Variants in DSG2 observed in about 807,000 individuals in gnomAD.
The protein encoded by DSG2 is desmoglein 2.
Under a neutral mutation model 75.6 loss-of-function variants are expected in DSG2, and 45 were observed. That is an observed-to-expected ratio of 0.60 (90% CI 0.47 to 0.76). The LOEUF is 0.76. DSG2 is among the 30% of genes least tolerant of loss of function. The pLI is 0.00. For synonymous variants in DSG2, 429 were observed against 483.9 expected (o/e 0.89, Z 1.49); for missense variants, 1,267 against 1,357.4 (o/e 0.93, Z 1.05).
intron 1 of DSG2, among the ~76,000 whole-genome samples, chr18:31,515,071 G>A (rs189148955): frequency 6.6e-6 from 1 of 152,246 alleles, no homozygotes; most frequent in East Asian, 1.9e-4. Flanking sequence ...AGAGTCTGAT[G>A]GTTAGAAGGA....
chr18:31,542,880 T>A (rs1196409669), intron 14 of DSG2, 28 bp downstream of exon 14: 1 of 326,676 alleles, frequency 3.1e-6, no homozygotes, highest in African/African-American at 5.9e-5. Context: ...GTATTGGTGG[T>A]GGGGGGTGGG....
At chr18:31,528,010 C>T (rs961859436) in intron 8 of DSG2, among the ~76,000 whole-genome samples, 1 of 152,114 alleles carries the variant, frequency 6.6e-6, no homozygotes, top group Non-Finnish European at 1.5e-5. Flanking sequence ...GATTTCAGCA[C>T]GTGAGTTTTA....
intron 8 of DSG2, among the ~76,000 whole-genome samples, chr18:31,530,545 G>A (rs142651720): frequency 0.015 from 2,229 of 152,150 alleles, 63 homozygotes; most frequent in African/African-American, 0.051. Context: ...AGCCTCCTGA[G>A]TAGCTAGGAC....
Position 31,536,192 on chromosome 18 carries a change from T to C in DSG2, c.1424-10T>C. ...CAGAATGTACATACTTTTTCTCTCT[T>C]ATTTTTAAGATTATCCTAGAAAAAC... On this transcript the variant is annotated splice_polypyrimidine_tract_variant and intron_variant, in intron 10 of 14. Transcript: ENST00000261590. The C allele has an allele frequency of 2.5e-6, 4 of 1,613,424 alleles. No individual in the cohort carries two copies. Among genetic ancestry groups the C allele is most frequent in the Non-Finnish European group, 3.4e-6 (4 of 1,179,448 alleles).
intron 1 of DSG2, among the ~76,000 whole-genome samples, chr18:31,504,478 C>G (rs1318615006): frequency 6.6e-6 from 1 of 152,192 alleles, no homozygotes; most frequent in African/African-American, 2.4e-5. Flanking sequence ...CCTTTGCTTT[C>G]TCAGTATTCT....
intron 8 of DSG2, among the ~76,000 whole-genome samples, chr18:31,525,319 C>G (rs549346204): frequency 6.6e-6 from 1 of 152,204 alleles, no homozygotes; most frequent in Non-Finnish European, 1.5e-5. Flanking sequence ...AGTTCGAGAC[C>G]AGCCTGGACA....
Position 31,546,266 on chromosome 18 carries a change from C to T in DSG2, c.2880C>T (p.Ser960=). ...TCCTGGGTCCTAGCCAGCCACAGAG[C>T]CTTATTGTGACAGAGAGGGTGTATG... The part of the protein sequence containing the change: ...TVILGPSQPQ[S]LIVTERVYAP... The change falls in exon 15 of 15, where the codon AGC becomes AGT. Residue 960 remains serine (S), a synonymous_variant. Coordinates refer to ENST00000261590, the MANE Select transcript of DSG2 (RefSeq NM_001943.5). 1 of 1,603,502 alleles carries T rather than the reference C, an allele frequency of 6.2e-7. No individual in the cohort carries two copies.
At chr18:31,518,415 C>G in intron 2 of DSG2, 141 bp downstream of exon 2, 1 of 739,184 alleles carries the variant, frequency 1.4e-6, no homozygotes, top group South Asian at 1.6e-5. Context: ...TGCAGAGGAG[C>G]TTATCCAGGG....
chr18:31,531,091 T>C lies in DSG2; in HGVS notation c.1119T>C (p.Ile373=), dbSNP rs770547012. The change falls in exon 9 of 15, where the codon ATT becomes ATC. Residue 373 remains isoleucine, a synonymous_variant. Transcript: ENST00000261590. ...GGAGTAAATACAAGCCTACACCCAT[T>C]CCCATCAAGGTCAAAGTGAAAAATG... is the stretch of plus-strand genomic sequence containing the variant. ...SIRSKYKPTP[I]PIKVKVKNVK... The C allele has an allele frequency of 1.3e-5, 21 of 1,613,966 alleles. No homozygotes were observed. The highest frequency in any genetic ancestry group is 2.2e-5 in the South Asian group (2 of 91,082).
At chr18:31,535,444 A>G (rs1342933706) in intron 10 of DSG2, 32 bp downstream of exon 10, 3 of 1,524,822 alleles carry the variant, frequency 2.0e-6, no homozygotes, top group Non-Finnish European at 1.8e-6. Flanking sequence ...TTTCTTGATT[A>G]TATGTATTTA....
rs774563205 is a variant in DSG2 at position 31,524,746 on chromosome 18, C to G, written c.872C>G (p.Thr291Arg). Residue 291 changes from threonine (T) to arginine (R), a missense_variant, in exon 8 of 15, where the codon ACG becomes AGG. Transcript: ENST00000261590. ...GAAAATCAAGTCAACGTAGAAGTTACGCGCATAAAAGTGTTCGATGCAGAT... is the reference window on the plus strand; with the variant it reads ...GAAAATCAAGTCAACGTAGAAGTTAGGCGCATAAAAGTGTTCGATGCAGAT... ...VEENQVNVEV[T>R]RIKVFDADEI... The G allele has an allele frequency of 6.2e-7, 1 of 1,614,102 alleles. No individual in the cohort carries two copies. The highest frequency in any genetic ancestry group is 2.2e-5 in the East Asian group (1 of 44,870).
At chr18:31,502,584 G>A (rs1167590396) in intron 1 of DSG2, among the ~76,000 whole-genome samples, 1 of 151,966 alleles carries the variant, frequency 6.6e-6, no homozygotes, top group African/African-American at 2.4e-5. Flanking sequence ...ACCCCATCTC[G>A]ACTAAAAATA....
intron 1 of DSG2, among the ~76,000 whole-genome samples, chr18:31,517,158 G>A (rs976781881): frequency 2.0e-5 from 3 of 152,148 alleles, no homozygotes; most frequent in African/African-American, 7.2e-5. Flanking sequence ...AACTGAATAA[G>A]CCAGGCACAG....
chr18:31,505,656 C>CTTTTTTTTTTTTTTTTTT (rs558578470), intron 1 of DSG2, among the ~76,000 whole-genome samples: 1 of 136,080 alleles, frequency 7.3e-6, no homozygotes, highest in Non-Finnish European at 1.6e-5. Context: ...ATTTTTTTTT[C>CTTTTTTTTTTTTTTTTTT]TTTTTTTTTT....
chr18:31,529,218 C>G (rs2073180084), intron 8 of DSG2, among the ~76,000 whole-genome samples: 1 of 151,874 alleles, frequency 6.6e-6, no homozygotes, highest in Non-Finnish European at 1.5e-5. Context: ...AGGTCTATTC[C>G]CTCACACAGC....
chr18:31,537,132 T>A (rs1164209269), intron 11 of DSG2, among the ~76,000 whole-genome samples: 1 of 149,948 alleles, frequency 6.7e-6, no homozygotes, highest in Non-Finnish European at 1.5e-5. Context: ...TTCAGTAAAA[T>A]TTCAAAGACA....
chr18:31,522,296 C>T (rs2073133530), intron 6 of DSG2, 47 bp downstream of exon 6: 1 of 1,535,004 alleles, frequency 6.5e-7, no homozygotes, highest in African/African-American at 1.4e-5. Flanking sequence ...TCTATCCTTT[C>T]CAGTTTCTCC....
At chr18:31,538,663 A>C in intron 11 of DSG2, 88 bp from the exon 12 acceptor site, 1 of 1,045,924 alleles carries the variant, frequency 9.6e-7, no homozygotes, top group South Asian at 1.3e-5. Flanking sequence ...AAATACAATC[A>C]GCAATGAAAG....
rs375448328 is a variant in DSG2 at position 31,547,243 on chromosome 18, C to T, written c.*500C>T. The stretch of plus-strand genomic sequence containing the variant: ...CAGTCTGAGCACCAGCTATGGTGCT[C>T]ATAACTTCTTTAAGACTTGAACCCT... On this transcript the variant is annotated 3_prime_UTR_variant, in exon 15 of 15. Transcript: ENST00000261590. The T allele has an allele frequency of 2.4e-4, 54 of 224,950 alleles. No individual in the cohort carries two copies. The highest frequency in any genetic ancestry group is 1.8e-3 in the Middle Eastern group (1 of 564). The allele number at this position is 224,950 out of a possible 1,614,324, so 13.9% of individuals were successfully genotyped here. A position where few individuals can be genotyped will look rare whatever the true frequency, so the allele number is the denominator to read the frequency against.
Sources: gnomAD v4.1 joint callset for allele counts (sites outside exome capture counted in the v4.1 genomes callset) on GRCh38, gnomAD v4.1.1 for gene constraint, MANE v1.5 for transcripts, NCBI Gene and HGNC (gene_info 2026-07-23, HGNC 2026-07-21) for gene names.